CTNNA2: variants seen among roughly 807,000 people sequenced by gnomAD.
The protein encoded by CTNNA2 is catenin alpha-2.
CTNNA2 carries 42 observed loss-of-function variants against 101.0 expected under a neutral mutation model. The ratio of observed to expected loss-of-function variants is 0.42; its 90% confidence interval spans 0.32 to 0.54. The LOEUF is 0.54. Ranked by LOEUF, CTNNA2 falls within the 20% of genes least tolerant of loss-of-function variation. The pLI, the probability that CTNNA2 is intolerant of heterozygous loss-of-function variation, is 0.14. For missense variants in CTNNA2, 871 were observed against 1,223.1 expected, an observed-to-expected ratio of 0.71 and a Z score of 4.29; for synonymous variants, 450 against 456.4, an observed-to-expected ratio of 0.99 and a Z score of 0.18.
chr2:79,389,840 G>T (rs1678152737), intron 4 of CTNNA2, among the ~76,000 whole-genome samples: 1 of 151,956 alleles, frequency 6.6e-6, no homozygotes, highest in Admixed American at 6.6e-5. Flanking sequence ...TTCATCTGCG[G>T]GATAATAATC....
At chr2:80,343,051 T>C (rs1672381518) in intron 7 of CTNNA2, among the ~76,000 whole-genome samples, 1 of 152,192 alleles carries the variant, frequency 6.6e-6, no homozygotes, top group South Asian at 2.1e-4. Flanking sequence ...TATGTCCAAA[T>C]TTCCCCTTTT....
chr2:80,326,678 G>A (rs1000475601), intron 7 of CTNNA2, among the ~76,000 whole-genome samples: 4 of 151,990 alleles, frequency 2.6e-5, no homozygotes, highest in African/African-American at 4.8e-5. Context: ...AGAAGATAGA[G>A]ATTCTAAAAT....
chr2:79,225,555 G>A (rs914387106), intron 2 of CTNNA2, among the ~76,000 whole-genome samples: 1 of 152,120 alleles, frequency 6.6e-6, no homozygotes, highest in East Asian at 1.9e-4. Flanking sequence ...ATTTACAATA[G>A]GAGGCAATTA....
Position 80,647,866 on chromosome 2 carries a change from C to A in CTNNA2, c.2856C>A (p.Ser952=), listed in dbSNP as rs565960884. The A allele has an allele frequency of 6.3e-7, 1 of 1,580,226 alleles. No individual in the cohort carries two copies. Among genetic ancestry groups the A allele is most frequent in the Middle Eastern group, 1.7e-4 (1 of 5,876 alleles). Residue 952 remains serine (S), a synonymous_variant, in exon 19 of 19, where the codon TCC becomes TCA. Coordinates refer to ENST00000402739, the MANE Select transcript of CTNNA2 (RefSeq NM_001282597.3). ...QALSEFKAMD[S]F ...TAAGTGAATTCAAAGCAATGGATTC[C>A]TTCTAGGACGATAGGTTTTAACAAG...
chr2:79,372,227 C>CA (rs1677888623), intron 3 of CTNNA2, among the ~76,000 whole-genome samples: 1 of 152,108 alleles, frequency 6.6e-6, no homozygotes, highest in Admixed American at 6.6e-5. Flanking sequence ...TACACCTGTA[C>CA]AAAATAGCAC....
At chr2:80,162,456 G>A (rs527742242) in intron 7 of CTNNA2, 33 of 1,593,092 alleles carry the variant, frequency 2.1e-5, no homozygotes, top group South Asian at 1.2e-4. Flanking sequence ...TGTTAGTGTC[G>A]AGATGAGCGC....
At chr2:80,462,627 C>CTTTTTT (rs1161384853) in intron 9 of CTNNA2, among the ~76,000 whole-genome samples, 128 of 114,304 alleles carry the variant, frequency 1.1e-3, no homozygotes, top group African/African-American at 4.1e-3. Flanking sequence ...TTCTTTCTTT[C>CTTTTTT]TTTCTTTTTT....
intron 9 of CTNNA2, among the ~76,000 whole-genome samples, chr2:80,489,633 G>T (rs1456175123): frequency 1.3e-5 from 2 of 152,122 alleles, no homozygotes; most frequent in Non-Finnish European, 2.9e-5. Context: ...GTTGGTTTTT[G>T]AATGTGTTTT....
At chr2:79,406,400 AT>A (rs1678342222) in intron 4 of CTNNA2, among the ~76,000 whole-genome samples, 1 of 152,074 alleles carries the variant, frequency 6.6e-6, no homozygotes, top group Non-Finnish European at 1.5e-5. Context: ...AAGTCCAAAA[AT>A]TCCTCCACAT....
intron 3 of CTNNA2, among the ~76,000 whole-genome samples, chr2:79,821,072 G>A (rs1567533): frequency 0.045 from 6,864 of 152,088 alleles, 387 homozygotes; most frequent in African/African-American, 0.12. Flanking sequence ...TAAACATTTT[G>A]TAGATATCTA....
intron 7 of CTNNA2, among the ~76,000 whole-genome samples, chr2:80,359,224 A>C (rs6547307): frequency 0.19 from 28,821 of 152,080 alleles, 2,932 homozygotes; most frequent in East Asian, 0.39. Flanking sequence ...ATAAATAAAA[A>C]ATAAATAAAT....
intron 9 of CTNNA2, among the ~76,000 whole-genome samples, chr2:80,476,504 A>T (rs961524804): frequency 1.3e-5 from 2 of 152,192 alleles, no homozygotes; most frequent in Admixed American, 1.3e-4. Context: ...ATCAAGAAGC[A>T]AAAAAAGCAT....
intron 7 of CTNNA2, among the ~76,000 whole-genome samples, chr2:80,105,971 G>T (rs531199484): frequency 1.1e-4 from 16 of 152,120 alleles, no homozygotes; most frequent in Admixed American, 1.0e-3. Context: ...GGGTTCAATC[G>T]CTTGGCAGGT....
intron 7 of CTNNA2, among the ~76,000 whole-genome samples, chr2:80,235,022 T>A (rs1709468759): frequency 6.6e-6 from 1 of 152,188 alleles, no homozygotes; most frequent in Admixed American, 6.5e-5. Flanking sequence ...AAATTTGCAC[T>A]ACATTCGTTG....
chr2:80,022,464 A>G (rs1694632113), intron 7 of CTNNA2, among the ~76,000 whole-genome samples: 1 of 152,162 alleles, frequency 6.6e-6, no homozygotes, highest in African/African-American at 2.4e-5. Context: ...TGAAGGGCAA[A>G]TGAGAATGAA....
At chr2:79,333,349 A>G (rs1344943130) in intron 3 of CTNNA2, among the ~76,000 whole-genome samples, 1 of 152,276 alleles carries the variant, frequency 6.6e-6, no homozygotes, top group South Asian at 2.1e-4. Context: ...AAGCCTACAC[A>G]GGTCCCAGTA....
intron 7 of CTNNA2, among the ~76,000 whole-genome samples, chr2:80,332,235 C>T (rs1184399994): frequency 6.6e-6 from 1 of 152,168 alleles, no homozygotes; most frequent in East Asian, 1.9e-4. Flanking sequence ...TGTAGAGTTC[C>T]AGATACTGTT....
chr2:79,268,379 A>G (rs1440993236), intron 2 of CTNNA2, among the ~76,000 whole-genome samples: 1 of 152,126 alleles, frequency 6.6e-6, no homozygotes, highest in Admixed American at 6.6e-5. Context: ...TGGAGAAGGC[A>G]TGGAAGCTCT....
At chr2:79,253,671 C>G (rs1674802827) in intron 2 of CTNNA2, among the ~76,000 whole-genome samples, 2 of 152,198 alleles carry the variant, frequency 1.3e-5, no homozygotes. Flanking sequence ...AACCATCTTT[C>G]CTTTATGCCG....
Sources: gnomAD v4.1 joint callset for allele counts (sites outside exome capture counted in the v4.1 genomes callset) on GRCh38, gnomAD v4.1.1 for gene constraint, MANE v1.5 for transcripts, NCBI Gene and HGNC (gene_info 2026-07-23, HGNC 2026-07-21) for gene names.